TMEM132C: variants seen among roughly 807,000 people sequenced by gnomAD.
TMEM132C encodes transmembrane protein 132C.
Under a neutral mutation model 61.4 loss-of-function variants are expected in TMEM132C, and 29 were observed. The observed-to-expected ratio is 0.47, with a 90% confidence interval of 0.35 to 0.64. TMEM132C has a LOEUF of 0.64. TMEM132C is among the 30% of genes least tolerant of loss of function. The pLI is 0.00. For synonymous variants in TMEM132C, 656 were observed against 633.1 expected (o/e 1.04, Z -0.54); for missense variants, 1,408 against 1,476.9 (o/e 0.95, Z 0.76).
intron 3 of TMEM132C, among the ~76,000 whole-genome samples, chr12:128,597,800 G>C (rs977660594): frequency 2.6e-5 from 4 of 152,154 alleles, no homozygotes; most frequent in African/African-American, 9.7e-5. Flanking sequence ...GGAGCTGCAG[G>C]CCTTAAGGTG....
At chr12:128,423,966 G>A (rs930522678) in intron 2 of TMEM132C, among the ~76,000 whole-genome samples, 5 of 139,892 alleles carry the variant, frequency 3.6e-5, no homozygotes, top group Admixed American at 7.9e-5. Context: ...AGAATGGCAT[G>A]AACCCAGGAG....
intron 3 of TMEM132C, among the ~76,000 whole-genome samples, chr12:128,610,157 A>G (rs963429264): frequency 6.6e-6 from 1 of 152,252 alleles, no homozygotes; most frequent in African/African-American, 2.4e-5. Context: ...CCTTGCCTTC[A>G]TGAAATACTC....
chr12:128,481,558 G>T (rs55916854), intron 2 of TMEM132C, among the ~76,000 whole-genome samples: 1 of 152,210 alleles, frequency 6.6e-6, no homozygotes, highest in Admixed American at 6.5e-5. Context: ...GCGGATGAGA[G>T]AGCTGAGGCC....
intron 5 of TMEM132C, among the ~76,000 whole-genome samples, chr12:128,675,927 A>C (rs1185410528): frequency 6.6e-6 from 1 of 152,214 alleles, no homozygotes; most frequent in Non-Finnish European, 1.5e-5. Flanking sequence ...CTTCAGAGTA[A>C]GTTACATATA....
chr12:128,689,626 G>T (rs1202508113), intron 5 of TMEM132C, among the ~76,000 whole-genome samples: 1 of 152,128 alleles, frequency 6.6e-6, no homozygotes, highest in Non-Finnish European at 1.5e-5. Flanking sequence ...GTTAATTAGA[G>T]ACCCAAGTGG....
chr12:128,410,405 T>G (rs933118417), intron 1 of TMEM132C, among the ~76,000 whole-genome samples: 3 of 151,924 alleles, frequency 2.0e-5, no homozygotes, highest in Admixed American at 6.6e-5. Context: ...ATGTATATGT[T>G]TGTATGTATG....
intron 3 of TMEM132C, among the ~76,000 whole-genome samples, chr12:128,573,792 A>G (rs1194575153): frequency 1.3e-5 from 2 of 152,160 alleles, no homozygotes; most frequent in Admixed American, 6.5e-5. Context: ...TGATGGTTGC[A>G]CAATTTGAAT....
intron 8 of TMEM132C, among the ~76,000 whole-genome samples, chr12:128,703,869 G>A (rs1195034875): frequency 6.6e-6 from 1 of 152,192 alleles, no homozygotes; most frequent in African/African-American, 2.4e-5. Flanking sequence ...AGTGGATATG[G>A]ACTGTCTGTT....
chr12:128,389,383 G>C (rs937115891), intron 1 of TMEM132C, among the ~76,000 whole-genome samples: 18 of 152,300 alleles, frequency 1.2e-4, no homozygotes, highest in African/African-American at 3.6e-4. Context: ...GGGACAGATA[G>C]GGATGGGGTG....
chr12:128,415,612 C>T lies in TMEM132C; in HGVS notation c.966C>T (p.Phe322=), dbSNP rs1213427937. The change falls in exon 2 of 9, where the codon TTC becomes TTT. Residue 322 remains phenylalanine (F), a synonymous_variant. Coordinates refer to ENST00000435159, the MANE Select transcript of TMEM132C (RefSeq NM_001136103.3). The surrounding 1 kb of genome is among the most constrained non-coding windows in gnomAD (Gnocchi z 5.8). ...CGAGCAATTCCTCTGTGGACCTCTT[C>T]ATCTTGAGGTAGGTGCCCATGCTTG... The part of the protein sequence containing the change: ...TISSNSSVDL[F]ILRAKVKKGV... 1 of 1,527,204 alleles carries T rather than the reference C, an allele frequency of 6.5e-7. No homozygotes were observed. The highest frequency in any genetic ancestry group is 8.8e-7 in the Non-Finnish European group (1 of 1,132,428). 94.6% of individuals were successfully genotyped at this position (1,527,204 alleles called of 1,614,324 possible). A position where few individuals can be genotyped will look rare whatever the true frequency, so the allele number is the denominator to read the frequency against.
At chr12:128,476,412 G>A (rs1477057031) in intron 2 of TMEM132C, among the ~76,000 whole-genome samples, 1 of 152,196 alleles carries the variant, frequency 6.6e-6, no homozygotes. Context: ...GAAGCTTAAT[G>A]ACTCCGGGAG....
chr12:128,363,602 CT>C (rs1168561080), intron 1 of TMEM132C, among the ~76,000 whole-genome samples: 6 of 152,024 alleles, frequency 3.9e-5, no homozygotes, highest in African/African-American at 1.4e-4. Context: ...AATCCCAGCA[CT>C]TTGGGAGGCT....
rs1160452662 is a variant in TMEM132C at position 128,415,833 on chromosome 12, C to G, written c.974+213C>G. ...TATGGAGGGAAGAAGAGGCAAAGGGCGGGCAGAAATTATTTCCAAAAGGAG... is the reference window on the plus strand; with the variant it reads ...TATGGAGGGAAGAAGAGGCAAAGGGGGGGCAGAAATTATTTCCAAAAGGAG... On this transcript the variant is annotated intron_variant, in intron 2 of 8. Transcript: ENST00000435159. The surrounding 1 kb of genome is among the most constrained non-coding windows in gnomAD (Gnocchi z 5.8). Among the ~76,000 whole-genome samples, 1 of 152,252 alleles carries G rather than the reference C, an allele frequency of 6.6e-6. No homozygotes were observed. The highest frequency in any genetic ancestry group is 6.5e-5 in the Admixed American group (1 of 15,292).
intron 2 of TMEM132C, among the ~76,000 whole-genome samples, chr12:128,525,868 A>G (rs530472396): frequency 6.6e-6 from 1 of 152,260 alleles, no homozygotes; most frequent in South Asian, 2.1e-4. Flanking sequence ...AGAGGCCTGA[A>G]TTTGTCTTCA....
chr12:128,544,057 A>G lies in TMEM132C; in HGVS notation c.1075A>G (p.Thr359Ala). 6.5e-7 allele frequency: 1 copy of G among 1,546,252 alleles called. No homozygotes were observed. The highest frequency in any genetic ancestry group is 8.7e-7 in the Non-Finnish European group (1 of 1,144,434). ...QEVGSGGKHV[T>A]ATVACQRLGP... ...GGTGGGCAGCGGCGGAAAGCACGTGACGGCCACCGTGGCCTGCCAGCGCCT... is the reference window on the plus strand; with the variant it reads ...GGTGGGCAGCGGCGGAAAGCACGTGGCGGCCACCGTGGCCTGCCAGCGCCT... The change falls in exon 3 of 9, where the codon ACG becomes GCG. Residue 359 changes from threonine to alanine, a missense_variant. Transcript: ENST00000435159.
chr12:128,699,098 G>T (rs978517187), intron 8 of TMEM132C, among the ~76,000 whole-genome samples: 1 of 146,052 alleles, frequency 6.8e-6, no homozygotes, highest in Non-Finnish European at 1.5e-5. Context: ...GCCTACAGGG[G>T]CTGGGCTGGT....
chr12:128,663,527 C>T (rs909142798), intron 4 of TMEM132C, among the ~76,000 whole-genome samples: 21 of 152,208 alleles, frequency 1.4e-4, no homozygotes, highest in African/African-American at 4.8e-4. Flanking sequence ...GCGTTTTACA[C>T]CCATTCCTGG....
chr12:128,509,118 C>T (rs1227759535), intron 2 of TMEM132C, among the ~76,000 whole-genome samples: 1 of 152,120 alleles, frequency 6.6e-6, no homozygotes, highest in Non-Finnish European at 1.5e-5. Context: ...GTGTGCAAGT[C>T]CTCGAAGCAA....
At chr12:128,352,524 A>G (rs1381288310) in intron 1 of TMEM132C, among the ~76,000 whole-genome samples, 2 of 152,216 alleles carry the variant, frequency 1.3e-5, no homozygotes, top group Non-Finnish European at 2.9e-5. Context: ...TCAAAAGTTA[A>G]TCTCATCCCA....
Sources: allele counts gnomAD v4.1 joint callset (sites outside exome capture counted in the v4.1 genomes callset), GRCh38; gene constraint gnomAD v4.1.1; non-coding constraint Gnocchi (gnomAD v3.1); transcripts MANE v1.5; gene names NCBI Gene and HGNC (gene_info 2026-07-23, HGNC 2026-07-21).